The following USP48 variants were observed in gnomAD, a reference collection of about 807,000 sequenced individuals.
USP48 encodes ubiquitin specific peptidase 48.
Under a neutral mutation model 150.7 loss-of-function variants are expected in USP48, and 43 were observed. That is an observed-to-expected ratio of 0.29 (90% confidence interval 0.22 to 0.37). USP48 has a LOEUF of 0.37. USP48 is among the 10% of genes least tolerant of loss of function. The pLI is 1.00. For missense variants in USP48, 813 were observed against 1,249.6 expected (o/e 0.65, Z 5.27); for synonymous variants, 396 against 425.9 (o/e 0.93, Z 0.86).
At chr1:21,745,391 G>C (rs1017477067) in intron 8 of USP48, among the ~76,000 whole-genome samples, 4 of 151,650 alleles carry the variant, frequency 2.6e-5, no homozygotes, top group African/African-American at 9.7e-5. Context: ...AGGATCACTA[G>C]AGCCCAGGAG....
At position 21,704,523 on chromosome 1, in the gene USP48, C is replaced by T. The variant is rs571574879; in HGVS notation, c.2385-131G>A. ...CCAAAGGAATTAGAGAGAAAAGATA[C>T]GTATCATCAACAAAGAATAGTTTTT... is the stretch of plus-strand genomic sequence containing the variant. On this transcript the variant is annotated intron_variant, in intron 19 of 26. Coordinates refer to ENST00000308271, the MANE Select transcript of USP48 (RefSeq NM_032236.8). 9 of 995,252 alleles carry T rather than the reference C, an allele frequency of 9.0e-6. No homozygotes were observed. In the Admixed American group the frequency reaches 1.0e-4, roughly 11 times the overall value. The allele number at this position is 995,252 out of a possible 1,614,324, so 61.7% of individuals were successfully genotyped here.
chr1:21,742,056 T>C (rs1297293616), intron 8 of USP48, among the ~76,000 whole-genome samples: 1 of 152,290 alleles, frequency 6.6e-6, no homozygotes, highest in East Asian at 1.9e-4. Flanking sequence ...TAAGAATACA[T>C]GTTATAATTT....
At chr1:21,742,996 C>A (rs333176) in intron 8 of USP48, among the ~76,000 whole-genome samples, 3 of 152,024 alleles carry the variant, frequency 2.0e-5, no homozygotes, top group African/African-American at 7.2e-5. Context: ...GTGTTTTTAA[C>A]GTTTAAAGTG....
intron 1 of USP48, among the ~76,000 whole-genome samples, 186 bp downstream of exon 1, chr1:21,782,638 G>A (rs1214674432): frequency 1.3e-5 from 2 of 152,216 alleles, no homozygotes; most frequent in African/African-American, 2.4e-5. Context: ...CATCACCTCC[G>A]CGCACAGCCC....
At chr1:21,750,878 A>T (rs939079623) in intron 6 of USP48, among the ~76,000 whole-genome samples, 2 of 149,780 alleles carry the variant, frequency 1.3e-5, no homozygotes, top group Non-Finnish European at 3.0e-5. Context: ...GAGAAACTCC[A>T]TCTCAAAAAA....
chr1:21,739,518 C>CAAAAAAAAAAA (rs61410306), intron 8 of USP48, among the ~76,000 whole-genome samples: 1 of 66,292 alleles, frequency 1.5e-5, no homozygotes, highest in African/African-American at 6.5e-5. Context: ...GACTCCGTCT[C>CAAAAAAAAAAA]AAAAAAAAAA....
intron 14 of USP48, among the ~76,000 whole-genome samples, chr1:21,718,777 C>T (rs923964670): frequency 4.0e-5 from 6 of 151,504 alleles, no homozygotes; most frequent in Admixed American, 6.6e-5. Flanking sequence ...AGGCTGATCT[C>T]GAACTTGTGA....
At chr1:21,706,443 T>C in intron 17 of USP48, 24 bp downstream of exon 17, 1 of 1,613,286 alleles carries the variant, frequency 6.2e-7, no homozygotes, top group Non-Finnish European at 8.5e-7. Context: ...AGATGCATTC[T>C]TTCTTTTGTG....
intron 8 of USP48, among the ~76,000 whole-genome samples, chr1:21,746,170 T>C (rs2097794073): frequency 6.6e-6 from 1 of 152,200 alleles, no homozygotes; most frequent in Admixed American, 6.5e-5. Context: ...TTTTATTTTT[T>C]TGGAAAGAGA....
intron 9 of USP48, among the ~76,000 whole-genome samples, chr1:21,735,873 G>A (rs1369329435): frequency 5.1e-5 from 7 of 138,550 alleles, no homozygotes; most frequent in Admixed American, 2.3e-4. Context: ...GGACAAGAAG[G>A]CAACAAGAGC....
chr1:21,781,505 T>C (rs1362357304), intron 1 of USP48, among the ~76,000 whole-genome samples: 1 of 151,948 alleles, frequency 6.6e-6, no homozygotes, highest in Non-Finnish European at 1.5e-5. Context: ...CCAGAAGAGG[T>C]GGGCAGATCG....
intron 15 of USP48, among the ~76,000 whole-genome samples, chr1:21,708,517 C>T (rs937691898): frequency 6.6e-5 from 10 of 151,456 alleles, no homozygotes; most frequent in South Asian, 2.1e-4. Flanking sequence ...AACAAACAAA[C>T]AAACAAACAA....
intron 1 of USP48, among the ~76,000 whole-genome samples, chr1:21,782,233 C>G (rs2097916442): frequency 6.6e-6 from 1 of 152,066 alleles, no homozygotes. Context: ...GCGGCGCAGA[C>G]GTGAAGGACA....
chr1:21,705,418 G>A (rs1207892145), intron 19 of USP48, among the ~76,000 whole-genome samples: 1 of 152,122 alleles, frequency 6.6e-6, no homozygotes, highest in Admixed American at 6.6e-5. Context: ...AGACCATGTT[G>A]ATTCTGTGAT....
intron 1 of USP48, among the ~76,000 whole-genome samples, chr1:21,773,332 A>G (rs1394281360): frequency 6.6e-6 from 1 of 151,998 alleles, no homozygotes; most frequent in Admixed American, 6.6e-5. Flanking sequence ...ACAATCCAGA[A>G]CACACAATTC....
At chr1:21,697,870 TTC>T (rs1474454473) in intron 22 of USP48, among the ~76,000 whole-genome samples, 7 of 152,260 alleles carry the variant, frequency 4.6e-5, no homozygotes, top group African/African-American at 1.7e-4. Context: ...CTGGAATTAT[TTC>T]TTTCTTAATC....
At chr1:21,696,469 G>C (rs1333356181) in intron 22 of USP48, among the ~76,000 whole-genome samples, 2 of 152,166 alleles carry the variant, frequency 1.3e-5, no homozygotes, top group African/African-American at 4.8e-5. Flanking sequence ...AAGAAAGCGG[G>C]TGCGGAGACA....
At chr1:21,761,197 T>C (rs1572009666) in intron 1 of USP48, among the ~76,000 whole-genome samples, 1 of 152,070 alleles carries the variant, frequency 6.6e-6, no homozygotes, top group Admixed American at 6.5e-5. Context: ...TTTGTTTAGA[T>C]AGAAGAGTAC....
chr1:21,774,523 C>T (rs2097892118), intron 1 of USP48, among the ~76,000 whole-genome samples: 1 of 151,808 alleles, frequency 6.6e-6, no homozygotes, highest in African/African-American at 2.4e-5. Flanking sequence ...CATATCTCTA[C>T]TAAAAATACA....
Sources: gnomAD v4.1 joint callset for allele counts (sites outside exome capture counted in the v4.1 genomes callset) on GRCh38, gnomAD v4.1.1 for gene constraint, MANE v1.5 for transcripts, NCBI Gene and HGNC (gene_info 2026-07-23, HGNC 2026-07-21) for gene names.